The following SPTBN1 variants were observed in gnomAD, a reference collection of about 807,000 sequenced individuals.
The protein encoded by SPTBN1 is spectrin beta chain, non-erythrocytic 1.
A neutral mutation model predicts 266.4 loss-of-function variants in SPTBN1; 32 were observed. The ratio of observed to expected loss-of-function variants is 0.12; its 90% CI spans 0.09 to 0.16. The LOEUF is 0.16. Ranked by LOEUF, SPTBN1 falls within the 10% of genes least tolerant of loss-of-function variation. The pLI, the probability that SPTBN1 is intolerant of heterozygous loss-of-function variation, is 1.00. For missense variants in SPTBN1, 2,296 were observed against 3,067.1 expected (o/e 0.75, Z 5.94); for synonymous variants, 1,336 against 1,162.2 (o/e 1.15, Z -3.04).
rs1680692920 is a variant in SPTBN1 at position 54,656,739 on chromosome 2, C to G, written c.6046+741C>G. Among the ~76,000 whole-genome samples, 4 of 152,334 alleles carry G rather than the reference C, an allele frequency of 2.6e-5. No individual in the cohort carries two copies. In the South Asian group the frequency reaches 8.3e-4, roughly 32 times the overall value. ...GCCTTTTCTGAGAGGTTTGACGGCA[C>G]ACTCTGTTGGGCCCAGAGCCCTCAG... On this transcript the variant is annotated intron_variant, in intron 29 of 35. Transcript: ENST00000356805.
intron 2 of SPTBN1, among the ~76,000 whole-genome samples, chr2:54,541,152 A>C (rs1671911081): frequency 6.6e-6 from 1 of 152,152 alleles, no homozygotes; most frequent in Non-Finnish European, 1.5e-5. Flanking sequence ...GCCAGTCCCA[A>C]AGCTGTTTTA....
At chr2:54,473,838 G>A (rs1694050897) in intron 1 of SPTBN1, among the ~76,000 whole-genome samples, 1 of 152,212 alleles carries the variant, frequency 6.6e-6, no homozygotes, top group Admixed American at 6.5e-5. Flanking sequence ...TATATGGGAT[G>A]TTCTGTCTCC....
chr2:54,469,138 A>G (rs561180328), intron 1 of SPTBN1, among the ~76,000 whole-genome samples: 2 of 152,348 alleles, frequency 1.3e-5, no homozygotes, highest in South Asian at 4.1e-4. Context: ...CATCAGATGG[A>G]TGGAGGTGAC....
At chr2:54,640,321 G>T (rs1679439679) in intron 18 of SPTBN1, among the ~76,000 whole-genome samples, 1 of 152,110 alleles carries the variant, frequency 6.6e-6, no homozygotes. Context: ...GAATCCAGGG[G>T]TTTGTCTCTT....
At chr2:54,563,898 C>G (rs1002986226) in intron 2 of SPTBN1, among the ~76,000 whole-genome samples, 1 of 152,080 alleles carries the variant, frequency 6.6e-6, no homozygotes, top group South Asian at 2.1e-4. Flanking sequence ...TAGCTATTCT[C>G]GAACTTTTTG....
intron 24 of SPTBN1, 74 bp from the exon 25 acceptor site, chr2:54,648,912 C>A: frequency 7.3e-7 from 1 of 1,360,754 alleles, no homozygotes; most frequent in Non-Finnish European, 1.0e-6. Context: ...TTATCTCCAC[C>A]TCATTTGTTT....
intron 1 of SPTBN1, among the ~76,000 whole-genome samples, chr2:54,478,637 A>C (rs1667962331): frequency 6.6e-6 from 1 of 152,216 alleles, no homozygotes; most frequent in African/African-American, 2.4e-5. Context: ...GATATGTGGA[A>C]GTACTTGGTG....
intron 1 of SPTBN1, among the ~76,000 whole-genome samples, chr2:54,484,012 T>G (rs1210552312): frequency 6.6e-6 from 1 of 151,996 alleles, no homozygotes; most frequent in Non-Finnish European, 1.5e-5. Flanking sequence ...CTGGGAAACA[T>G]GGTGAAACTC....
intron 23 of SPTBN1, 120 bp from the exon 24 acceptor site, chr2:54,647,011 T>A: frequency 6.9e-7 from 1 of 1,456,982 alleles, no homozygotes; most frequent in Non-Finnish European, 9.4e-7. Flanking sequence ...GTACTGCACC[T>A]CTGGAGTTTT....
chr2:54,646,390 C>T lies in SPTBN1; in HGVS notation c.4781C>T (p.Ala1594Val), dbSNP rs1198869518. 1 of 1,611,608 alleles carries T rather than the reference C, an allele frequency of 6.2e-7. No individual in the cohort carries two copies. Among genetic ancestry groups the T allele is most frequent in the Non-Finnish European group, 8.5e-7 (1 of 1,179,078 alleles). Reference protein sequence around the residue: ...RHRRLEEAHRAQQYYFDAAEA... With the variant: ...RHRRLEEAHRVQQYYFDAAEA... The stretch of plus-strand genomic sequence containing the variant: ...AGGCGGCTGGAGGAGGCGCACAGGG[C>T]CCAGCAGTACTACTTTGACGCTGCT... Residue 1594 changes from alanine to valine, a missense_variant, in exon 23 of 36, where the codon GCC (alanine) becomes GTC (valine). Physicochemically the swap from Ala to Val is moderately conservative, Grantham distance 64. Around this residue, in one of 12 missense-constraint regions of SPTBN1, gnomAD observed 644 missense variants for 745.3 expected, o/e 0.86. Transcript: ENST00000356805. The surrounding 1 kb of genome is among the most constrained non-coding windows in gnomAD (Gnocchi z 4.4).
Position 54,622,499 on chromosome 2 carries a change from A to G in SPTBN1, c.1064+12A>G, listed in dbSNP as rs1678059539. The G allele has an allele frequency of 6.2e-7, 1 of 1,612,122 alleles. No homozygotes were observed. Among genetic ancestry groups the G allele is most frequent in the African/African-American group, 1.3e-5 (1 of 75,004 alleles). On this transcript the variant is annotated intron_variant, in intron 9 of 35. Coordinates refer to ENST00000356805, the MANE Select transcript of SPTBN1 (RefSeq NM_003128.3). ...GAGAAACCACCCAAGTAAGATGCAT[A>G]TTGTAGTGTGATCATTAATATGGAA...
chr2:54,667,619 T>C lies in SPTBN1; in HGVS notation c.6849T>C (p.Asn2283=). The C allele has an allele frequency of 9.9e-6, 16 of 1,614,036 alleles. No individual in the cohort carries two copies. The highest frequency in any genetic ancestry group is 1.4e-5 in the Non-Finnish European group (16 of 1,179,880). The part of the protein sequence containing the change: ...HVFKLRLNDG[N]EYLFQAKDDE... ...GAAATTACAGACTAAATGATGGCAA[T>C]GAGTACCTCTTCCAAGCCAAAGACG... The change falls in exon 35 of 36, where the codon AAT becomes AAC. Residue 2283 remains asparagine, a synonymous_variant. Transcript: ENST00000356805.
intron 32 of SPTBN1, chr2:54,661,637 C>A (rs1418269789): frequency 3.0e-6 from 3 of 985,726 alleles, no homozygotes; most frequent in South Asian, 9.4e-5. Flanking sequence ...AAAAAAACTT[C>A]TGCTTTGTCT....
intron 1 of SPTBN1, among the ~76,000 whole-genome samples, chr2:54,506,080 C>T (rs756023207): frequency 1.3e-5 from 2 of 151,774 alleles, no homozygotes; most frequent in African/African-American, 2.4e-5. Context: ...GCCAAGATCG[C>T]GCCACTGCAC....
intron 2 of SPTBN1, among the ~76,000 whole-genome samples, chr2:54,571,095 C>T (rs1485200695): frequency 6.6e-6 from 1 of 152,028 alleles, no homozygotes; most frequent in Non-Finnish European, 1.5e-5. Flanking sequence ...AGATGAAATC[C>T]TGGCTGTGGG....
chr2:54,467,523 T>TA (rs1693699418), intron 1 of SPTBN1, among the ~76,000 whole-genome samples: 2 of 151,990 alleles, frequency 1.3e-5, no homozygotes, highest in African/African-American at 2.4e-5. Flanking sequence ...GCCTCCCGAG[T>TA]AGCTGGCGCC....
chr2:54,464,079 G>A (rs1344177693), intron 1 of SPTBN1, among the ~76,000 whole-genome samples: 1 of 152,146 alleles, frequency 6.6e-6, no homozygotes, highest in Non-Finnish European at 1.5e-5. Context: ...TGCATCACCT[G>A]TTGAGAGCAT....
At chr2:54,654,016 G>A (rs1680483421) in intron 27 of SPTBN1, among the ~76,000 whole-genome samples, 163 bp downstream of exon 27, 2 of 152,078 alleles carry the variant, frequency 1.3e-5, no homozygotes, top group South Asian at 2.1e-4. Context: ...TGCTTGCCTC[G>A]TGCACTTGGC....
At chr2:54,660,910 A>G in intron 32 of SPTBN1, 3 of 985,466 alleles carry the variant, frequency 3.0e-6, no homozygotes, top group Non-Finnish European at 3.6e-6. Context: ...ACAGACTTCC[A>G]TGCCTCTCCA....
Sources: allele counts gnomAD v4.1 joint callset (sites outside exome capture counted in the v4.1 genomes callset), GRCh38; gene constraint gnomAD v4.1.1; regional missense constraint gnomAD v4.1.1; non-coding constraint Gnocchi (gnomAD v3.1); transcripts MANE v1.5; gene names NCBI Gene and HGNC (gene_info 2026-07-23, HGNC 2026-07-21).